Variants in ZMYM2 observed in about 807,000 individuals in gnomAD.
ZMYM2 encodes zinc finger MYM-type containing 2, also known as zinc finger MYM-type protein 2.
ZMYM2 carries 56 observed loss-of-function variants against 162.8 expected under a neutral mutation model. The observed-to-expected ratio is 0.34, with a 90% confidence interval of 0.28 to 0.43. ZMYM2 has a LOEUF of 0.43. Ranked by LOEUF, ZMYM2 falls within the 20% of genes least tolerant of loss-of-function variation. The pLI, the probability that ZMYM2 is intolerant of heterozygous loss-of-function variation, is 1.00. For missense variants in ZMYM2, 1,275 were observed against 1,621.8 expected, an observed-to-expected ratio of 0.79 and a Z score of 3.67; for synonymous variants, 510 against 541.6, an observed-to-expected ratio of 0.94 and a Z score of 0.81.
At chr13:19,991,141 G>T (rs1949589575) in intron 2 of ZMYM2, among the ~76,000 whole-genome samples, 1 of 150,106 alleles carries the variant, frequency 6.7e-6, no homozygotes, top group South Asian at 2.1e-4. Flanking sequence ...TTGAGACAGG[G>T]TTTGCTCTGT....
chr13:19,963,963 A>G (rs1170635709), intron 2 of ZMYM2, among the ~76,000 whole-genome samples: 1 of 152,214 alleles, frequency 6.6e-6, no homozygotes, highest in East Asian at 1.9e-4. Context: ...GAAGTAATAA[A>G]TTTTAAGAAA....
Position 20,036,801 on chromosome 13 carries a change from C to G in ZMYM2, c.2184C>G (p.Asn728Lys). The G allele has an allele frequency of 6.2e-7, 1 of 1,606,318 alleles. No homozygotes were observed. The highest frequency in any genetic ancestry group is 8.5e-7 in the Non-Finnish European group (1 of 1,176,004). Reference protein sequence around the residue: ...RRLGLRCVTCNYCSQLCKKGA... With the variant: ...RRLGLRCVTCKYCSQLCKKGA... The stretch of plus-strand genomic sequence containing the variant: ...TAGGATTGAGATGTGTTACTTGCAA[C>G]TATTGTTCTCAGCTATGTAAGAAGG... The change falls in exon 12 of 25, where the codon AAC (asparagine) becomes AAG (lysine). Residue 728 changes from asparagine (N) to lysine (K), a missense_variant. By Grantham distance (94) the Asn-to-Lys change is moderately conservative. Around this residue, in one of 10 missense-constraint regions of ZMYM2, gnomAD observed 177 missense variants for 228.0 expected, o/e 0.78. Transcript: ENST00000610343.
At position 20,003,990 on chromosome 13, in the gene ZMYM2, A is replaced by G. The variant is rs141903412; in HGVS notation, c.1133+855A>G. Among the ~76,000 whole-genome samples, 214 of 152,268 alleles carry G rather than the reference A, an allele frequency of 1.4e-3. 2 individuals are homozygous for G. The highest frequency in any genetic ancestry group is 5.0e-3 in the African/African-American group (206 of 41,556). ...TGATCTAGCTTCACTGGTTAAAAATAGCTGGAATATGGTATGTTATATGCA... is the reference window on the plus strand; with the variant it reads ...TGATCTAGCTTCACTGGTTAAAAATGGCTGGAATATGGTATGTTATATGCA... On this transcript the variant is annotated intron_variant, in intron 4 of 24. Coordinates refer to ENST00000610343, the MANE Select transcript of ZMYM2 (RefSeq NM_197968.4).
chr13:19,892,367 GT>G, the ZMYM2 span, among the ~76,000 whole-genome samples: 1 of 151,814 alleles, frequency 6.6e-6, no homozygotes, highest in African/African-American at 2.4e-5. Flanking sequence ...CGCCTCCTGG[GT>G]TCACGCCATT....
Position 20,051,475 on chromosome 13 carries a change from G to A in ZMYM2, c.2335G>A (p.Glu779Lys), listed in dbSNP as rs1955341503. 6.2e-7 allele frequency: 1 copy of A among 1,613,458 alleles called. No individual in the cohort carries two copies. The highest frequency in any genetic ancestry group is 1.7e-5 in the Admixed American group (1 of 59,970). ...DCCKSQGTLKERVQWRGEMKH... is the reference protein window; with the variant it reads ...DCCKSQGTLKKRVQWRGEMKH... ...TTGTAAATCTCAAGGAACTCTTAAA[G>A]AGCGAGTTCAGTGGCGTGGGGAAAT... The change falls in exon 13 of 25, where the codon GAG becomes AAG. Residue 779 changes from glutamate (E) to lysine (K), a missense_variant. This residue lies in a region of ZMYM2 where 177 missense variants were observed against 228.0 expected (regional missense o/e 0.78). Coordinates refer to ENST00000610343, the MANE Select transcript of ZMYM2 (RefSeq NM_197968.4).
intron 16 of ZMYM2, 64 bp downstream of exon 16, chr13:20,059,626 T>A: frequency 1.3e-6 from 1 of 792,948 alleles, no homozygotes; most frequent in Non-Finnish European, 2.3e-6. Flanking sequence ...GAAAACAGTG[T>A]ACAGTTGACC....
At chr13:20,032,689 A>G (rs1322758447) in intron 10 of ZMYM2, among the ~76,000 whole-genome samples, 1 of 137,420 alleles carries the variant, frequency 7.3e-6, no homozygotes, top group African/African-American at 2.9e-5. Flanking sequence ...GCTCACTTCA[A>G]CCTCCACCTC....
At chr13:19,899,594 GATC>G in the ZMYM2 span, among the ~76,000 whole-genome samples, 1 of 151,258 alleles carries the variant, frequency 6.6e-6, no homozygotes, top group Admixed American at 6.6e-5. Flanking sequence ...GAGGTGGGTG[GATC>G]ACTAGGTCAG....
At chr13:19,988,835 T>C (rs1338602374) in intron 2 of ZMYM2, among the ~76,000 whole-genome samples, 1 of 152,164 alleles carries the variant, frequency 6.6e-6, no homozygotes, top group Non-Finnish European at 1.5e-5. Context: ...TATACCCATA[T>C]TTGATGTCTG....
chr13:19,925,870 C>CA, the ZMYM2 span, among the ~76,000 whole-genome samples: 118 of 129,028 alleles, frequency 9.1e-4, no homozygotes, highest in East Asian at 2.5e-3. Context: ...GACTCCATCT[C>CA]AAAAAAAAAA....
the ZMYM2 span, among the ~76,000 whole-genome samples, chr13:19,885,979 A>ATGTATACACATATATG: frequency 2.9e-5 from 1 of 34,058 alleles, no homozygotes; most frequent in Non-Finnish European, 6.3e-5. Flanking sequence ...ACACATATAT[A>ATGTATACACATATATG]TGTATATACA....
rs1949795407 is a variant in ZMYM2 at position 19,993,586 on chromosome 13, AGTG to A, written c.517_519del (p.Gly173del). ...TAAGGTAAATGCAGGAATGGGTAAT[AGTG>A]GTATCACCACAGAACCAGACTCTGA... On this transcript the variant is annotated inframe_deletion, in exon 3 of 25. Transcript: ENST00000610343. 6.2e-7 allele frequency: 1 copy of A among 1,614,094 alleles called. No individual in the cohort carries two copies. Among genetic ancestry groups the A allele is most frequent in the Admixed American group, 1.7e-5 (1 of 60,008 alleles).
the ZMYM2 span, among the ~76,000 whole-genome samples, chr13:19,885,947 A>ATATGTGTATACACACATATGTGTG: frequency 9.6e-5 from 2 of 20,872 alleles, 1 homozygote; most frequent in South Asian, 6.0e-3. Context: ...ATATATATGT[A>ATATGTGTATACACACATATGTGTG]TATACACATA....
At position 20,087,449 on chromosome 13, in the gene ZMYM2, C is replaced by G. The variant is rs969264790; in HGVS notation, c.*1435C>G. The G allele has an allele frequency of 1.6e-5, 3 of 188,758 alleles. No individual in the cohort carries two copies. The South Asian group carries it at 5.9e-4, about 37-fold the overall frequency. The allele number at this position is 188,758 out of a possible 1,614,324, so 11.7% of individuals were successfully genotyped here. A position where few individuals can be genotyped will look rare whatever the true frequency, so the allele number is the denominator to read the frequency against. ...GTGTAATCATGTTTTCTTCTGATTC[C>G]TGAATGACCATGGTAGCATTAGTGT... On this transcript the variant is annotated 3_prime_UTR_variant, in exon 25 of 25. Coordinates refer to ENST00000610343, the MANE Select transcript of ZMYM2 (RefSeq NM_197968.4).
intron 15 of ZMYM2, chr13:20,058,972 A>G: frequency 1.9e-6 from 1 of 526,194 alleles, no homozygotes; most frequent in African/African-American, 1.9e-5. Flanking sequence ...TGGGGATAAG[A>G]CTACTAAAAT....
chr13:19,941,322 C>CAAAAAAAAAAAAAAAAAAACA, the ZMYM2 span, among the ~76,000 whole-genome samples: 1 of 128,196 alleles, frequency 7.8e-6, no homozygotes, highest in Non-Finnish European at 1.7e-5. Flanking sequence ...AACAAAAAAA[C>CAAAAAAAAAAAAAAAAAAACA]AAAAAAAAAA....
chr13:20,066,598 A>C (rs555953548), intron 19 of ZMYM2: 5 of 345,618 alleles, frequency 1.4e-5, no homozygotes, highest in Non-Finnish European at 2.1e-5. Context: ...ATTGTCTTCA[A>C]GTTGAGTAGG....
At chr13:19,918,774 G>C in the ZMYM2 span, among the ~76,000 whole-genome samples, 3 of 151,980 alleles carry the variant, frequency 2.0e-5, no homozygotes, top group South Asian at 2.1e-4. Flanking sequence ...GCAGGGATTA[G>C]AGGCGTGAGC....
the ZMYM2 span, among the ~76,000 whole-genome samples, chr13:19,899,266 GAAAT>G: frequency 2.0e-5 from 3 of 151,542 alleles, no homozygotes; most frequent in Non-Finnish European, 4.4e-5. Context: ...CCCCACTTCT[GAAAT>G]AAATAAATAA....
Sources: gnomAD v4.1 joint callset for allele counts (sites outside exome capture counted in the v4.1 genomes callset) on GRCh38, gnomAD v4.1.1 for gene constraint, gnomAD v4.1.1 regional missense constraint, MANE v1.5 for transcripts, NCBI Gene and HGNC (gene_info 2026-07-23, HGNC 2026-07-21) for gene names.